SELENOM: variants seen among roughly 807,000 people sequenced by gnomAD.
SELENOM encodes the protein selenoprotein SelM.
In SELENOM, 17 loss-of-function variants were observed where a neutral mutation model predicts 14.5. The ratio of observed to expected loss-of-function variants is 1.17; its 90% CI spans 0.80 to 1.76. The LOEUF is 1.76. SELENOM is among the 40% of genes most tolerant of loss of function. The probability of loss-of-function intolerance (pLI) is 0.00; values close to 1 mark genes in which losing one functional copy is unlikely to be tolerated. For synonymous variants in SELENOM, 102 were observed against 93.3 expected (o/e 1.09, Z -0.54); for missense variants, 230 against 204.6 (o/e 1.12, Z -0.76).
chr22:31,104,850 C>T lies in SELENOM; in HGVS notation c.*120G>A. 1 of 1,177,978 alleles carries T rather than the reference C, an allele frequency of 8.5e-7. No individual in the cohort carries two copies. Among genetic ancestry groups the T allele is most frequent in the South Asian group, 1.7e-5 (1 of 58,676 alleles). 73.0% of individuals were successfully genotyped at this position (1,177,978 alleles called of 1,614,324 possible). ...TTGGGAGAACCTCCCCAACCCCATC[C>T]CTGCTGGCCCGGGGACGGGCATCGG... On this transcript the variant is annotated 3_prime_UTR_variant, in exon 5 of 5. Transcript: ENST00000400299.
intron 1 of SELENOM, 52 bp downstream of exon 1, chr22:31,107,325 G>T: frequency 6.4e-7 from 1 of 1,554,680 alleles, no homozygotes; most frequent in South Asian, 1.2e-5. Flanking sequence ...GCTCCCATGG[G>T]GCCGCAGGGT....
In SELENOM at chr22:31,106,175, A is replaced by C. The variant is rs931249135; in HGVS notation, c.130-210T>G. The C allele has an allele frequency of 2.8e-5, 17 of 603,808 alleles. No individual in the cohort carries two copies. The Admixed American group carries it at 4.4e-4, about 16-fold the overall frequency. The allele number at this position is 603,808 out of a possible 1,614,324, so 37.4% of individuals were successfully genotyped here. A position where few individuals can be genotyped will look rare whatever the true frequency, so the allele number is the denominator to read the frequency against. On this transcript the variant is annotated intron_variant, in intron 1 of 4. Transcript: ENST00000400299. ...GGGGAGACTCAGGCCTAGAGACACC[A>C]GGGGAAAAGAGCAAGGCCAGAGACC...
rs989147706 is a variant in SELENOM at position 31,104,883 on chromosome 22, C to A, written c.*87G>T. On this transcript the variant is annotated 3_prime_UTR_variant, in exon 5 of 5. Coordinates refer to ENST00000400299, the MANE Select transcript of SELENOM (RefSeq NM_080430.4). The stretch of plus-strand genomic sequence containing the variant: ...CCCGGGGACGGGCATCGGCTCTCAG[C>A]AAGAGAAGTATTCCCGGGATGCTGA... 3.6e-6 allele frequency: 5 copies of A among 1,402,784 alleles called. No homozygotes were observed. Among genetic ancestry groups the A allele is most frequent in the East Asian group, 2.5e-5 (1 of 39,668 alleles). 86.9% of individuals were successfully genotyped at this position (1,402,784 alleles called of 1,614,324 possible).
rs761131769 is a variant in SELENOM, at chr22:31,105,017, C to A, written c.391G>T (p.Ala131Ser). The change falls in exon 5 of 5, where the codon GCG becomes TCG. Residue 131 changes from alanine (A) to serine (S), a missense_variant. By Grantham distance (99) the Ala-to-Ser change is moderately conservative (BLOSUM62 1). Coordinates refer to ENST00000400299, the MANE Select transcript of SELENOM (RefSeq NM_080430.4). ...DAQVPPEYVW[A>S]PAKPPEETSD... ...GTTTCCTCTGGGGGCTTCGCGGGCG[C>A]CCACACGTACTCGGGGGGCACCTGC... 4 of 1,606,946 alleles carry A rather than the reference C, an allele frequency of 2.5e-6. No individual in the cohort carries two copies. Among genetic ancestry groups the A allele is most frequent in the South Asian group, 2.2e-5 (2 of 90,782 alleles).
Position 31,104,887 on chromosome 22 carries a change from A to G in SELENOM, c.*83T>C. 7.1e-7 allele frequency: 1 copy of G among 1,403,990 alleles called. No homozygotes were observed. Among genetic ancestry groups the G allele is most frequent in the Non-Finnish European group, 9.5e-7 (1 of 1,057,312 alleles). 87.0% of individuals were successfully genotyped at this position (1,403,990 alleles called of 1,614,324 possible). A position where few individuals can be genotyped will look rare whatever the true frequency, so the allele number is the denominator to read the frequency against. The stretch of plus-strand genomic sequence containing the variant: ...GGGACGGGCATCGGCTCTCAGCAAG[A>G]GAAGTATTCCCGGGATGCTGAGCGC... On this transcript the variant is annotated 3_prime_UTR_variant, in exon 5 of 5. Transcript: ENST00000400299.
chr22:31,105,517 G>T, intron 3 of SELENOM, 141 bp downstream of exon 3: 1 of 934,106 alleles, frequency 1.1e-6, no homozygotes, highest in Non-Finnish European at 1.7e-6. Flanking sequence ...CCAACATGGA[G>T]ACCACCTCAG....
intron 3 of SELENOM, 129 bp from the exon 4 acceptor site, chr22:31,105,415 C>T (rs1245452385): frequency 1.0e-6 from 1 of 968,042 alleles, no homozygotes; most frequent in Non-Finnish European, 1.6e-6. Flanking sequence ...CCAGGGTCTC[C>T]GCTTATACGT....
In SELENOM at chr22:31,105,028, T is replaced by G. The variant is rs2044379274; in HGVS notation, c.380A>C (p.Glu127Ala). ...GGGCTTCGCGGGCGCCCACACGTAC[T>G]CGGGGGGCACCTGCGCGTCGGGCGC... ...KAAPDAQVPP[E>A]YVWAPAKPPE... Residue 127 changes from glutamate to alanine, a missense_variant, in exon 5 of 5, where the codon GAG becomes GCG. By Grantham distance (107) the Glu-to-Ala change is moderately radical. Coordinates refer to ENST00000400299, the MANE Select transcript of SELENOM (RefSeq NM_080430.4). The G allele has an allele frequency of 6.2e-7, 1 of 1,610,424 alleles. No homozygotes were observed. Among genetic ancestry groups the G allele is most frequent in the Non-Finnish European group, 8.5e-7 (1 of 1,179,102 alleles).
In SELENOM at chr22:31,105,095, T is replaced by C. The variant is rs374502141; in HGVS notation, c.313A>G (p.Ile105Val). 7.4e-6 allele frequency: 12 copies of C among 1,613,206 alleles called. No homozygotes were observed. Among genetic ancestry groups the C allele is most frequent in the African/African-American group, 1.3e-5 (1 of 74,908 alleles). ...CCGAGCTCCTGCACTAGCGCATTGA[T>C]CTCTTCGCGGGTCATTTCACTGAGT... Reference protein sequence around the residue: ...IPLSEMTREEINALVQELGFY... With the variant: ...IPLSEMTREEVNALVQELGFY... Residue 105 changes from isoleucine (I) to valine (V), a missense_variant, in exon 5 of 5, where the codon ATC (isoleucine) becomes GTC (valine). Coordinates refer to ENST00000400299, the MANE Select transcript of SELENOM (RefSeq NM_080430.4).
Position 31,107,473 on chromosome 22 carries a change from C to T in SELENOM, c.33G>A (p.Leu11=). Residue 11 remains leucine (L), a synonymous_variant, in exon 1 of 5, where the codon CTG becomes CTA. Transcript: ENST00000400299. The part of the protein sequence containing the change: MSLLLPPLAL[L]LLLAALVAPA... ...GGGCCACAAGCGCCGCGAGAAGCAG[C>T]AGCAGCGCCAGCGGAGGCAACAGGA... is the stretch of plus-strand genomic sequence containing the variant. 2 of 1,557,916 alleles carry T rather than the reference C, an allele frequency of 1.3e-6. No homozygotes were observed. The highest frequency in any genetic ancestry group is 1.2e-5 in the South Asian group (1 of 85,084).
chr22:31,105,842 C>T (rs1363352900), intron 2 of SELENOM, 88 bp downstream of exon 2: 2 of 1,503,698 alleles, frequency 1.3e-6, no homozygotes, highest in Non-Finnish European at 1.9e-6. Flanking sequence ...TCCTTCCCCC[C>T]TCCCCGCCCC....
chr22:31,105,207 C>T lies in SELENOM; in HGVS notation c.279+1G>A. On this transcript the variant is annotated splice_donor_variant, in intron 4 of 4. Transcript: ENST00000400299. LOFTEE classifies it high-confidence loss of function. Reference sequence around the variant, plus strand: ...CCCCAGCCCACCTCCCACGGCCTCACCTCTAGTTCCTCGTAGCGGCGGCCC... The same window carrying T: ...CCCCAGCCCACCTCCCACGGCCTCATCTCTAGTTCCTCGTAGCGGCGGCCC... 6.2e-7 allele frequency: 1 copy of T among 1,612,512 alleles called. No homozygotes were observed.
At chr22:31,105,819 C>A (rs758032723) in intron 2 of SELENOM, 111 bp downstream of exon 2, 35 of 1,468,324 alleles carry the variant, frequency 2.4e-5, no homozygotes, top group Non-Finnish European at 3.0e-5. Context: ...AGGCTAGACT[C>A]TCAGCCTAGG....
Position 31,104,942 on chromosome 22 carries a change from A to G in SELENOM, c.*28T>C, listed in dbSNP as rs920079214. The G allele has an allele frequency of 3.3e-5, 51 of 1,530,784 alleles. No individual in the cohort carries two copies. The highest frequency in any genetic ancestry group is 4.5e-5 in the Non-Finnish European group (51 of 1,142,750). 94.8% of individuals were successfully genotyped at this position (1,530,784 alleles called of 1,614,324 possible). On this transcript the variant is annotated 3_prime_UTR_variant, in exon 5 of 5. Transcript: ENST00000400299. ...TTCTGTCTCCAGGACTCAGGCAGGT[A>G]GGTCCCAGCTCCGCCGCGCCCCCGG...
intron 3 of SELENOM, 24 bp downstream of exon 3, chr22:31,105,634 C>G: frequency 6.2e-7 from 1 of 1,612,834 alleles, no homozygotes; most frequent in South Asian, 1.1e-5. Flanking sequence ...ATCCCATTTC[C>G]CCTCCCCCAG....
Position 31,105,102 on chromosome 22 carries a change from G to C in SELENOM, c.306C>G (p.Arg102=), listed in dbSNP as rs767456635. ...LERIPLSEMT[R]EEINALVQEL... is the part of the protein sequence containing the mutation. ...CCTGCACTAGCGCATTGATCTCTTC[G>C]CGGGTCATTTCACTGAGTGGGATGC... The change falls in exon 5 of 5, where the codon CGC becomes CGG. Residue 102 remains arginine, a synonymous_variant. Transcript: ENST00000400299. 9.3e-6 allele frequency: 15 copies of C among 1,613,438 alleles called. No homozygotes were observed. The highest frequency in any genetic ancestry group is 9.3e-6 in the Non-Finnish European group (11 of 1,179,832).
At position 31,107,521 on chromosome 22, in the gene SELENOM, G is replaced by A. The variant is rs770608162; in HGVS notation, c.-16C>T. On this transcript the variant is annotated 5_prime_UTR_variant, in exon 1 of 5. Transcript: ENST00000400299. Reference sequence around the variant, plus strand: ...GGAGGCTCATCGGGACCCGGCCGCAGATGATGCGCAAGCTGGAGGCGAACC... The same window carrying A: ...GGAGGCTCATCGGGACCCGGCCGCAAATGATGCGCAAGCTGGAGGCGAACC... 8 of 1,530,932 alleles carry A rather than the reference G, an allele frequency of 5.2e-6. No individual in the cohort carries two copies. In the South Asian group the frequency reaches 9.6e-5, roughly 18 times the overall value. 94.8% of individuals were successfully genotyped at this position (1,530,932 alleles called of 1,614,324 possible).
rs760045678 is a variant in SELENOM at position 31,105,941 on chromosome 22, G to T, written c.154C>A (p.Arg52Ser). The change falls in exon 2 of 5, where the codon CGC (arginine) becomes AGC (serine). Residue 52 changes from arginine to serine, a missense_variant. Transcript: ENST00000400299. ...VETCGGUQLNRLKEVKAFVTQ... is the reference protein window; with the variant it reads ...VETCGGUQLNSLKEVKAFVTQ... ...TCCTTCAAACTCACCTCCTTTAGGC[G>T]GTTCAGCTGTCATCCCCCGCAGGTC... is the stretch of plus-strand genomic sequence containing the variant. 8 of 1,614,068 alleles carry T rather than the reference G, an allele frequency of 5.0e-6. No homozygotes were observed. The highest frequency in any genetic ancestry group is 6.8e-6 in the Non-Finnish European group (8 of 1,179,966).
intron 3 of SELENOM, 79 bp from the exon 4 acceptor site, chr22:31,105,365 T>G (rs971912425): frequency 7.3e-7 from 1 of 1,365,948 alleles, no homozygotes; most frequent in African/African-American, 1.4e-5. Context: ...GGAACAGCAT[T>G]GCCTCCTTTG....
Sources: allele counts gnomAD v4.1 joint callset, GRCh38; gene constraint gnomAD v4.1.1; transcripts MANE v1.5; gene names NCBI Gene and HGNC (gene_info 2026-07-23, HGNC 2026-07-21).